WIZ: variants seen among roughly 807,000 people sequenced by gnomAD.
WIZ encodes the protein protein Wiz.
A neutral mutation model predicts 140.2 loss-of-function variants in WIZ; 25 were observed. The ratio of observed to expected loss-of-function variants is 0.18; its 90% CI spans 0.13 to 0.25. WIZ has a LOEUF of 0.25. Ranked by LOEUF, WIZ falls within the 10% of genes least tolerant of loss-of-function variation. The pLI is 1.00. For synonymous variants in WIZ, 1,125 were observed against 1,154.3 expected (o/e 0.97, Z 0.51); for missense variants, 2,231 against 2,632.6 (o/e 0.85, Z 3.34).
chr19:15,440,421 G>C lies in WIZ; in HGVS notation c.573C>G (p.Asp191Glu). 6.5e-7 allele frequency: 1 copy of C among 1,535,980 alleles called. No individual in the cohort carries two copies. The highest frequency in any genetic ancestry group is 2.4e-5 in the East Asian group (1 of 40,906). The change falls in exon 4 of 13, where the codon GAC becomes GAG. Residue 191 changes from aspartate (D) to glutamate (E), a missense_variant. Asp to Glu is a conservative substitution (Grantham distance 45, BLOSUM62 2). Coordinates refer to ENST00000673675, the MANE Select transcript of WIZ (RefSeq NM_001371589.1). This position sits in a 1 kb window ranked among gnomAD's most constrained non-coding sequence, Gnocchi z 6.2. ...CTGCGTCCTGGGGGGATCCCTGCTC[G>C]TCCTCATCTTGGAGCCAGTCGAACC... The part of the protein sequence containing the change: ...RPRFDWLQDE[D>E]EQGSPQDAGL...
intron 2 of WIZ, among the ~76,000 whole-genome samples, chr19:15,444,855 C>G (rs1485890119): frequency 6.6e-6 from 1 of 152,210 alleles, no homozygotes; most frequent in Non-Finnish European, 1.5e-5. Context: ...TCTAGGACCC[C>G]AAGCTCCCAA....
chr19:15,442,732 G>A lies in WIZ; in HGVS notation c.222C>T (p.Pro74=), dbSNP rs935874192. 9 of 1,232,194 alleles carry A rather than the reference G, an allele frequency of 7.3e-6. No individual in the cohort carries two copies. The highest frequency in any genetic ancestry group is 8.2e-5 in the South Asian group (2 of 24,334). 76.3% of individuals were successfully genotyped at this position (1,232,194 alleles called of 1,614,324 possible). The stretch of plus-strand genomic sequence containing the variant: ...CACGGGGGAGGGCTTCGCTGAGGCC[G>A]GGATGGGGCTGCCCGTCTGCAACAG... ...RGGISDGQPH[P]GLSEALPRVT... The change falls in exon 3 of 13, where the codon CCC becomes CCT. Residue 74 remains proline (P), a synonymous_variant. Transcript: ENST00000673675. The surrounding 1 kb of genome is among the most constrained non-coding windows in gnomAD (Gnocchi z 5.5).
intron 2 of WIZ, among the ~76,000 whole-genome samples, chr19:15,443,173 G>T (rs368164430): frequency 6.6e-6 from 1 of 152,248 alleles, no homozygotes; most frequent in Admixed American, 6.5e-5. Context: ...CTGGGTTCAA[G>T]CGATTCTCCT....
Position 15,439,026 on chromosome 19 carries a change from C to T in WIZ, c.1968G>A (p.Glu656=). Residue 656 remains glutamate (E), a synonymous_variant, in exon 4 of 13, where the codon GAG becomes GAA. Coordinates refer to ENST00000673675, the MANE Select transcript of WIZ (RefSeq NM_001371589.1). The surrounding 1 kb of genome is among the most constrained non-coding windows in gnomAD (Gnocchi z 7.0). Reference sequence around the variant, plus strand: ...GGGCCTCTCGGAATGCCTGCTTCAGCTCCAGGGCCGCCTGCGGGATGAGGC... The same window carrying T: ...GGGCCTCTCGGAATGCCTGCTTCAGTTCCAGGGCCGCCTGCGGGATGAGGC... ...TPSLIPQAAL[E]LKQAFREALQ... The T allele has an allele frequency of 2.0e-6, 3 of 1,497,322 alleles. No individual in the cohort carries two copies. Among genetic ancestry groups the T allele is most frequent in the Non-Finnish European group, 2.7e-6 (3 of 1,127,856 alleles). The allele number at this position is 1,497,322 out of a possible 1,614,324, so 92.8% of individuals were successfully genotyped here. A position where few individuals can be genotyped will look rare whatever the true frequency, so the allele number is the denominator to read the frequency against.
intron 5 of WIZ, chr19:15,433,397 G>T: frequency 1.0e-6 from 1 of 978,554 alleles, no homozygotes; most frequent in Non-Finnish European, 1.2e-6. Context: ...CTTAGGGAGA[G>T]GGGGCAGGCT....
In WIZ at chr19:15,429,586, T is replaced by C; in HGVS notation, c.3415A>G (p.Thr1139Ala). ...CTCGGCTCTTGGGACCCACACTCACTGAGGTTCAAGGGCCCCTCATCCTCA... is the reference window on the plus strand; with the variant it reads ...CTCGGCTCTTGGGACCCACACTCACCGAGGTTCAAGGGCCCCTCATCCTCA... ...QSEDEGPLNL[T>A]LDSDGGRELD... Residue 1139 changes from threonine to alanine, a missense_variant and splice_region_variant, in exon 7 of 13, where the codon ACT becomes GCT. Transcript: ENST00000673675. 2 of 1,316,210 alleles carry C rather than the reference T, an allele frequency of 1.5e-6. No individual in the cohort carries two copies. Among genetic ancestry groups the C allele is most frequent in the Non-Finnish European group, 1.9e-6 (2 of 1,028,676 alleles). 81.5% of individuals were successfully genotyped at this position (1,316,210 alleles called of 1,614,324 possible). A position where few individuals can be genotyped will look rare whatever the true frequency, so the allele number is the denominator to read the frequency against.
intron 5 of WIZ, among the ~76,000 whole-genome samples, chr19:15,432,828 C>A (rs1308702011): frequency 2.0e-5 from 3 of 151,562 alleles, no homozygotes; most frequent in South Asian, 2.1e-4. Context: ...CCCAGGTTGG[C>A]CTGCCGAGTG....
Position 15,439,887 on chromosome 19 carries a change from C to T in WIZ, c.1107G>A (p.Gln369=). Residue 369 remains glutamine (Q), a synonymous_variant, in exon 4 of 13, where the codon CAG becomes CAA. Transcript: ENST00000673675. The surrounding 1 kb of genome is among the most constrained non-coding windows in gnomAD (Gnocchi z 7.0). ...WAFADPTALE[Q]HRQLHQASRE... ...GGGAGGCCTGATGCAGCTGCCGGTG[C>T]TGCTCCAGGGCAGTGGGGTCAGCAA... 1.3e-6 allele frequency: 2 copies of T among 1,525,524 alleles called. No individual in the cohort carries two copies. The highest frequency in any genetic ancestry group is 1.8e-6 in the Non-Finnish European group (2 of 1,141,166). The allele number at this position is 1,525,524 out of a possible 1,614,324, so 94.5% of individuals were successfully genotyped here.
At chr19:15,436,087 AG>A in intron 5 of WIZ, among the ~76,000 whole-genome samples, 1 of 152,278 alleles carries the variant, frequency 6.6e-6, no homozygotes. Flanking sequence ...TGTGCCACTG[AG>A]CTCCAGCCGG....
Position 15,429,805 on chromosome 19 carries a change from C to G in WIZ, c.3196G>C (p.Ala1066Pro), listed in dbSNP as rs1969105989. The change falls in exon 7 of 13, where the codon GCT (alanine) becomes CCT (proline). Residue 1066 changes from alanine to proline, a missense_variant. By Grantham distance (27) the Ala-to-Pro change is conservative. Coordinates refer to ENST00000673675, the MANE Select transcript of WIZ (RefSeq NM_001371589.1). ...LSLAKPLDAP[A>P]VNKAIKSPPG... ...GGCGACTTGATGGCTTTGTTGACAG[C>G]AGGGGCATCCAAGGGCTTGGCCAGG... 2 of 1,526,182 alleles carry G rather than the reference C, an allele frequency of 1.3e-6. No homozygotes were observed. Among genetic ancestry groups the G allele is most frequent in the Non-Finnish European group, 8.8e-7 (1 of 1,140,294 alleles). The allele number at this position is 1,526,182 out of a possible 1,614,324, so 94.5% of individuals were successfully genotyped here.
chr19:15,439,592 A>G lies in WIZ; in HGVS notation c.1402T>C (p.Phe468Leu). Residue 468 changes from phenylalanine to leucine, a missense_variant, in exon 4 of 13, where the codon TTC becomes CTC. Physicochemically the swap from Phe to Leu is conservative, Grantham distance 22. This residue lies in a region of WIZ where 475 missense variants were observed against 520.2 expected (regional missense o/e 0.91). Coordinates refer to ENST00000673675, the MANE Select transcript of WIZ (RefSeq NM_001371589.1). The surrounding 1 kb of genome is among the most constrained non-coding windows in gnomAD (Gnocchi z 7.0). ...TCGCTGGGCGCGGGGAAACCACAGA[A>G]GACACAGGCGCTGAGGCCAACGGCA... ...GAAVGLSACV[F>L]CGFPAPSESL... 6.7e-7 allele frequency: 1 copy of G among 1,485,624 alleles called. No homozygotes were observed. The highest frequency in any genetic ancestry group is 1.3e-5 in the South Asian group (1 of 78,492). 92.0% of individuals were successfully genotyped at this position (1,485,624 alleles called of 1,614,324 possible).
chr19:15,443,960 C>A (rs950612833), intron 2 of WIZ, among the ~76,000 whole-genome samples: 1 of 152,170 alleles, frequency 6.6e-6, no homozygotes, highest in African/African-American at 2.4e-5. Context: ...GGAGCCAATG[C>A]CTGGAGCGAC....
Position 15,424,580 on chromosome 19 carries a change from T to C in WIZ, c.5314+33A>G, listed in dbSNP as rs1001617557. 1 of 1,561,216 alleles carries C rather than the reference T, an allele frequency of 6.4e-7. No homozygotes were observed. Among genetic ancestry groups the C allele is most frequent in the South Asian group, 1.2e-5 (1 of 85,240 alleles). ...CTGGGTGGGCCTGACAGGTGCCCGC[T>C]GCGCTCCCGACCCTCCTCCACCAAG... On this transcript the variant is annotated intron_variant, in intron 11 of 12. Transcript: ENST00000673675. The surrounding 1 kb of genome is among the most constrained non-coding windows in gnomAD (Gnocchi z 9.7).
At position 15,425,003 on chromosome 19, in the gene WIZ, G is replaced by A; in HGVS notation, c.4924C>T (p.Leu1642Phe). 6.3e-7 allele frequency: 1 copy of A among 1,597,480 alleles called. No individual in the cohort carries two copies. The highest frequency in any genetic ancestry group is 8.5e-7 in the Non-Finnish European group (1 of 1,174,084). ...STEACCELCG[L>F]YFENRKALAS... is the part of the protein sequence containing the mutation. Reference sequence around the variant, plus strand: ...AGGGCCTTGCGGTTTTCAAAGTAAAGGCCACACAGCTCGCAGCAGGCCTCG... The same window carrying A: ...AGGGCCTTGCGGTTTTCAAAGTAAAAGCCACACAGCTCGCAGCAGGCCTCG... The change falls in exon 11 of 13, where the codon CTT (leucine) becomes TTT (phenylalanine). Residue 1642 changes from leucine to phenylalanine, a missense_variant. By Grantham distance (22) the Leu-to-Phe change is conservative. Around this residue, in one of 15 missense-constraint regions of WIZ, gnomAD observed 18 missense variants for 61.4 expected, o/e 0.29. Coordinates refer to ENST00000673675, the MANE Select transcript of WIZ (RefSeq NM_001371589.1).
At chr19:15,436,740 G>T in intron 5 of WIZ, 66 bp downstream of exon 5, 2 of 1,426,446 alleles carry the variant, frequency 1.4e-6, no homozygotes, top group East Asian at 2.7e-5. Flanking sequence ...CTCCAGCCCC[G>T]CCCCTCCAAT....
In WIZ at chr19:15,442,585, C is replaced by T; in HGVS notation, c.278+91G>A. The T allele has an allele frequency of 9.9e-7, 1 of 1,006,230 alleles. No individual in the cohort carries two copies. The highest frequency in any genetic ancestry group is 1.3e-6 in the Non-Finnish European group (1 of 781,604). 62.3% of individuals were successfully genotyped at this position (1,006,230 alleles called of 1,614,324 possible). ...CTGGCCTCCTGATTCCCTCCTGTCC[C>T]CTTCTCATTCCCCAGGGGCTTATCT... On this transcript the variant is annotated intron_variant, in intron 3 of 12. Transcript: ENST00000673675. This position sits in a 1 kb window ranked among gnomAD's most constrained non-coding sequence, Gnocchi z 5.5.
rs906978131 is a variant in WIZ, at chr19:15,428,694, C to T, written c.3416-186G>A. Reference sequence around the variant, plus strand: ...TGTTTCCTGCCTAGCCCTTTGGCATCGAGGGGAGTGTAGAGAGCTTAAGGA... The same window carrying T: ...TGTTTCCTGCCTAGCCCTTTGGCATTGAGGGGAGTGTAGAGAGCTTAAGGA... On this transcript the variant is annotated intron_variant, in intron 7 of 12. Coordinates refer to ENST00000673675, the MANE Select transcript of WIZ (RefSeq NM_001371589.1). The surrounding 1 kb of genome is among the most constrained non-coding windows in gnomAD (Gnocchi z 6.4). Among the ~76,000 whole-genome samples the T allele has an allele frequency of 5.3e-5, 8 of 152,124 alleles. No homozygotes were observed. Among genetic ancestry groups the T allele is most frequent in the African/African-American group, 1.2e-4 (5 of 41,424 alleles).
intron 2 of WIZ, among the ~76,000 whole-genome samples, chr19:15,443,830 G>C (rs545782750): frequency 2.6e-4 from 39 of 152,254 alleles, no homozygotes; most frequent in African/African-American, 9.1e-4. Context: ...AACCTGAGCT[G>C]CAGAGAGCCC....
rs751856548 is a variant in WIZ at position 15,425,070 on chromosome 19, A to T, written c.4895-38T>A. ...GGGGGTGCTGCTGAGTCACAGCCCA[A>T]AGGGGGCAGGTGCACCCAGATGGCC... On this transcript the variant is annotated intron_variant, in intron 10 of 12. Transcript: ENST00000673675. 12 of 1,523,564 alleles carry T rather than the reference A, an allele frequency of 7.9e-6. No homozygotes were observed. The South Asian group carries it at 1.5e-4, about 19-fold the overall frequency. The allele number at this position is 1,523,564 out of a possible 1,614,324, so 94.4% of individuals were successfully genotyped here. A position where few individuals can be genotyped will look rare whatever the true frequency, so the allele number is the denominator to read the frequency against.
Sources: allele counts gnomAD v4.1 joint callset (sites outside exome capture counted in the v4.1 genomes callset), GRCh38; gene constraint gnomAD v4.1.1; regional missense constraint gnomAD v4.1.1; non-coding constraint Gnocchi (gnomAD v3.1); transcripts MANE v1.5; gene names NCBI Gene and HGNC (gene_info 2026-07-23, HGNC 2026-07-21).